ZNF385D: variants seen among roughly 807,000 people sequenced by gnomAD.
ZNF385D encodes the protein zinc finger protein 659.
A neutral mutation model predicts 35.8 loss-of-function variants in ZNF385D; 15 were observed. That is an observed-to-expected ratio of 0.42 (90% CI 0.28 to 0.64). ZNF385D has a LOEUF of 0.64. ZNF385D is among the 30% of genes least tolerant of loss of function. The pLI is 0.23. For synonymous variants in ZNF385D, 212 were observed against 186.8 expected (o/e 1.13, Z -1.10); for missense variants, 474 against 494.6 (o/e 0.96, Z 0.39).
intron 3 of ZNF385D, among the ~76,000 whole-genome samples, chr3:21,982,910 T>A (rs148789549): frequency 6.6e-6 from 1 of 152,150 alleles, no homozygotes; most frequent in Admixed American, 6.5e-5. Context: ...TTTGTGTATG[T>A]TGAACCAACT....
intron 1 of ZNF385D, among the ~76,000 whole-genome samples, chr3:21,696,402 T>G (rs1334474557): frequency 6.6e-6 from 1 of 152,182 alleles, no homozygotes; most frequent in Non-Finnish European, 1.5e-5. Flanking sequence ...TACATACATG[T>G]CACAGAGAAA....
At chr3:22,093,165 A>G (rs1701419933) in intron 3 of ZNF385D, among the ~76,000 whole-genome samples, 1 of 151,706 alleles carries the variant, frequency 6.6e-6, no homozygotes. Flanking sequence ...ACCCTGAGGA[A>G]AAAAAAAGTT....
intron 3 of ZNF385D, among the ~76,000 whole-genome samples, chr3:21,830,466 C>T (rs1489125732): frequency 6.6e-6 from 1 of 152,132 alleles, no homozygotes; most frequent in East Asian, 1.9e-4. Context: ...TTATTTGATG[C>T]CATATTAGGT....
chr3:22,152,258 C>A (rs36092208), intron 3 of ZNF385D, among the ~76,000 whole-genome samples: 26,835 of 152,008 alleles, frequency 0.18, 2,871 homozygotes, highest in East Asian at 0.37. Context: ...GCTTAGTATT[C>A]CCTATCCTCT....
At chr3:22,301,409 C>T (rs908437996) in intron 2 of ZNF385D, among the ~76,000 whole-genome samples, 3 of 151,784 alleles carry the variant, frequency 2.0e-5, no homozygotes, top group Admixed American at 6.6e-5. Context: ...TTAAAAATTG[C>T]GAGGTGAGTG....
intron 2 of ZNF385D, among the ~76,000 whole-genome samples, chr3:21,652,332 G>A (rs896460076): frequency 2.0e-5 from 3 of 152,096 alleles, no homozygotes; most frequent in Admixed American, 6.6e-5. Context: ...CAGACCTGGG[G>A]CATGTTAGAT....
intron 2 of ZNF385D, among the ~76,000 whole-genome samples, chr3:22,311,963 G>A (rs1194092613): frequency 6.6e-6 from 1 of 152,038 alleles, no homozygotes; most frequent in Non-Finnish European, 1.5e-5. Context: ...CTCAGTTTAT[G>A]CATTATGCAA....
chr3:22,192,322 G>C (rs1392747125), intron 2 of ZNF385D, among the ~76,000 whole-genome samples: 1 of 152,156 alleles, frequency 6.6e-6, no homozygotes, highest in African/African-American at 2.4e-5. Context: ...TCATATTGTA[G>C]CCTGAGAAAA....
At position 22,329,078 on chromosome 3, in the gene ZNF385D, A is replaced by T. The variant is rs540873337; in HGVS notation, c.106+43372T>A. 3.0e-3 allele frequency among the ~76,000 whole-genome samples: 431 copies of T among 143,652 alleles called. 1 individual carries two copies. The highest frequency in any genetic ancestry group is 0.011 in the African/African-American group (409 of 37,818). 94.2% of individuals were successfully genotyped at this position (143,652 alleles called of 152,430 possible). A position where few individuals can be genotyped will look rare whatever the true frequency, so the allele number is the denominator to read the frequency against. ...GGCGACAGAGCGAGACTCCGTCTCA[A>T]AAAAAAAAAAAAAAAAAAAGAGTTT... On this transcript the variant is annotated intron_variant, in intron 2 of 5. Coordinates refer to the ZNF385D transcript ENST00000494108.
intron 2 of ZNF385D, among the ~76,000 whole-genome samples, chr3:21,602,543 T>TTTTTTTTTTTTTTTTTTTTTA (rs2064338121): frequency 9.1e-6 from 1 of 110,012 alleles, no homozygotes; most frequent in Non-Finnish European, 1.8e-5. Flanking sequence ...TTTTTTTTTT[T>TTTTTTTTTTTTTTTTTTTTTA]GAGACGGAGT....
At chr3:21,727,558 A>C (rs2068819985) in intron 1 of ZNF385D, among the ~76,000 whole-genome samples, 1 of 152,244 alleles carries the variant, frequency 6.6e-6, no homozygotes, top group Non-Finnish European at 1.5e-5. Context: ...GCCAAGAAAC[A>C]TATGAAAAAA....
chr3:21,560,278 C>A (rs2062893360), intron 3 of ZNF385D, among the ~76,000 whole-genome samples: 1 of 152,184 alleles, frequency 6.6e-6, no homozygotes, highest in South Asian at 2.1e-4. Flanking sequence ...GGGCTGGTTT[C>A]TCCCCATCTT....
chr3:22,109,790 A>C (rs1348841971), intron 3 of ZNF385D, among the ~76,000 whole-genome samples: 1 of 152,172 alleles, frequency 6.6e-6, no homozygotes, highest in Admixed American at 6.6e-5. Flanking sequence ...GATCTAATTA[A>C]ACTAAAGAGC....
At chr3:22,038,409 G>C (rs1319768131) in intron 3 of ZNF385D, among the ~76,000 whole-genome samples, 1 of 152,074 alleles carries the variant, frequency 6.6e-6, no homozygotes, top group Non-Finnish European at 1.5e-5. Context: ...CTTGGCCTCA[G>C]TTACTTCAGT....
intron 3 of ZNF385D, among the ~76,000 whole-genome samples, chr3:21,819,695 TGTATATATATACAC>T (rs1391982235): frequency 1.3e-4 from 19 of 146,732 alleles, no homozygotes; most frequent in South Asian, 1.3e-3. Context: ...TGTGTACGTG[TGTATATATATACAC>T]GTATATATAT....
At chr3:21,423,878 A>T in intron 7 of ZNF385D, 85 bp downstream of exon 7, 1 of 1,305,992 alleles carries the variant, frequency 7.7e-7, no homozygotes, top group Non-Finnish European at 1.1e-6. Flanking sequence ...GGCTGTGGTT[A>T]AAGGTGGCAA....
At chr3:21,789,832 T>C (rs2071852422) in intron 3 of ZNF385D, among the ~76,000 whole-genome samples, 1 of 152,218 alleles carries the variant, frequency 6.6e-6, no homozygotes, top group Non-Finnish European at 1.5e-5. Flanking sequence ...CCATAATAAA[T>C]GAATATTCTA....
intron 2 of ZNF385D, among the ~76,000 whole-genome samples, chr3:21,586,900 A>G (rs1478068): frequency 0.9 from 137,130 of 152,246 alleles, 61,921 homozygotes; most frequent in African/African-American, 0.96. Flanking sequence ...GAACAGAGGA[A>G]AGGGGTTGTT....
At chr3:21,483,606 C>T (rs1704805397) in intron 4 of ZNF385D, among the ~76,000 whole-genome samples, 1 of 152,138 alleles carries the variant, frequency 6.6e-6, no homozygotes, top group South Asian at 2.1e-4. Flanking sequence ...ATTTATTTTA[C>T]ACATTCTAAT....
Sources: gnomAD v4.1 joint callset for allele counts (sites outside exome capture counted in the v4.1 genomes callset) on GRCh38, gnomAD v4.1.1 for gene constraint, MANE v1.5 for transcripts, NCBI Gene and HGNC (gene_info 2026-07-23, HGNC 2026-07-21) for gene names.